Variants in ZCCHC2 observed in about 807,000 individuals in gnomAD.
ZCCHC2 encodes zinc finger CCHC-type containing 2, also known as zinc finger CCHC domain-containing protein 2.
In ZCCHC2, 39 loss-of-function variants were observed where a neutral mutation model predicts 103.6. That is an observed-to-expected ratio of 0.38 (90% confidence interval 0.29 to 0.49). ZCCHC2 has a LOEUF of 0.49. ZCCHC2 is among the 20% of genes least tolerant of loss of function. ZCCHC2 has a pLI of 0.96. For missense variants in ZCCHC2, 1,483 were observed against 1,491.0 expected (o/e 0.99, Z 0.09); for synonymous variants, 687 against 608.9 (o/e 1.13, Z -1.89).
Position 62,539,718 on chromosome 18 carries a change from A to G in ZCCHC2, c.977A>G (p.Glu326Gly), listed in dbSNP as rs201863625. The change falls in exon 2 of 14, where the codon GAG becomes GGG. Residue 326 changes from glutamate (E) to glycine (G), a missense_variant. Coordinates refer to ENST00000269499, the MANE Select transcript of ZCCHC2 (RefSeq NM_017742.6). Reference protein sequence around the residue: ...SAHGDYMQNNESSLIEQAPIP... With the variant: ...SAHGDYMQNNGSSLIEQAPIP... The stretch of plus-strand genomic sequence containing the variant: ...CATGGTGATTACATGCAAAATAACG[A>G]GAGCAGCTTAATAGAGCAAGCTCCA... 3.1e-4 allele frequency: 497 copies of G among 1,604,046 alleles called. 1 individual carries two copies. The highest frequency in any genetic ancestry group is 1.8e-3 in the Middle Eastern group (11 of 6,048).
intron 7 of ZCCHC2, among the ~76,000 whole-genome samples, chr18:62,559,436 C>T (rs1916026891): frequency 6.6e-6 from 1 of 152,184 alleles, no homozygotes; most frequent in African/African-American, 2.4e-5. Flanking sequence ...CAAATGGAAA[C>T]AGGTGTCATC....
chr18:62,536,279 G>A (rs1477964572), intron 1 of ZCCHC2, among the ~76,000 whole-genome samples: 1 of 152,216 alleles, frequency 6.6e-6, no homozygotes, highest in African/African-American at 2.4e-5. Context: ...CCTCAGGCGA[G>A]TTAAGAAAGG....
intron 14 of ZCCHC2, among the ~76,000 whole-genome samples, chr18:62,583,667 AC>A (rs71893758): frequency 6.8e-6 from 1 of 147,312 alleles, no homozygotes; most frequent in African/African-American, 2.5e-5. Context: ...AAAAATACTG[AC>A]CCCCCCCTCC....
intron 5 of ZCCHC2, among the ~76,000 whole-genome samples, chr18:62,554,816 C>A (rs1470679749): frequency 6.6e-6 from 1 of 152,176 alleles, no homozygotes; most frequent in African/African-American, 2.4e-5. Context: ...GATCTCAGTT[C>A]TTTCATCTCT....
At chr18:62,560,976 C>T (rs890400751) in intron 8 of ZCCHC2, among the ~76,000 whole-genome samples, 5 of 152,168 alleles carry the variant, frequency 3.3e-5, no homozygotes, top group African/African-American at 1.2e-4. Context: ...TGGTCCCAAA[C>T]AATTTGAGGA....
chr18:62,573,937 G>A, intron 12 of ZCCHC2, 120 bp from the exon 13 acceptor site: 1 of 1,050,920 alleles, frequency 9.5e-7, no homozygotes, highest in Non-Finnish European at 1.4e-6. Flanking sequence ...GGACAGTCAG[G>A]AAACATAGAG....
At chr18:62,547,341 AAG>A (rs1555786512) in intron 4 of ZCCHC2, among the ~76,000 whole-genome samples, 1 of 151,436 alleles carries the variant, frequency 6.6e-6, no homozygotes, top group Non-Finnish European at 1.5e-5. Flanking sequence ...AAAAAAAAAA[AAG>A]TTCAGGAGCA....
intron 9 of ZCCHC2, 49 bp downstream of exon 9, chr18:62,563,193 C>G: frequency 6.4e-7 from 1 of 1,556,596 alleles, no homozygotes; most frequent in Non-Finnish European, 8.7e-7. Flanking sequence ...CATTGCTCCT[C>G]TATAAGAAAA....
intron 13 of ZCCHC2, 101 bp downstream of exon 13, chr18:62,575,651 T>C: frequency 7.2e-7 from 1 of 1,391,320 alleles, no homozygotes; most frequent in Admixed American, 2.5e-5. Context: ...AAGATCTGTT[T>C]GTGTTTTCGT....
chr18:62,565,184 G>A (rs1194816347), intron 11 of ZCCHC2, 88 bp downstream of exon 11: 21 of 968,054 alleles, frequency 2.2e-5, no homozygotes, highest in Non-Finnish European at 3.0e-5. Context: ...GAGCTGTTGT[G>A]TCAAATCCTA....
rs1915120952 is a variant in ZCCHC2 at position 62,540,434 on chromosome 18, CCT to C, written c.1051+643_1051+644del. On this transcript the variant is annotated intron_variant, in intron 2 of 13. Coordinates refer to ENST00000269499, the MANE Select transcript of ZCCHC2 (RefSeq NM_017742.6). ...ATTTTGAATTTATGTCATTATGTCT[CCT>C]TTTTTTTTTTTTTTACCAGTAATAA... is the stretch of plus-strand genomic sequence containing the variant. 1.5e-5 allele frequency among the ~76,000 whole-genome samples: 2 copies of C among 132,836 alleles called. 1 individual carries two copies. Among genetic ancestry groups the C allele is most frequent in the South Asian group, 4.3e-4 (2 of 4,624 alleles). 87.1% of individuals were successfully genotyped at this position (132,836 alleles called of 152,430 possible). A position where few individuals can be genotyped will look rare whatever the true frequency, so the allele number is the denominator to read the frequency against.
chr18:62,555,526 A>G (rs1265476988), intron 5 of ZCCHC2, among the ~76,000 whole-genome samples: 2 of 152,206 alleles, frequency 1.3e-5, no homozygotes, highest in Non-Finnish European at 2.9e-5. Context: ...CTACAGCCAA[A>G]GGCCAGGCTC....
Position 62,576,640 on chromosome 18 carries a change from G to A in ZCCHC2, c.*61G>A, listed in dbSNP as rs1451373994. The A allele has an allele frequency of 6.7e-7, 1 of 1,500,002 alleles. No homozygotes were observed. Among genetic ancestry groups the A allele is most frequent in the African/African-American group, 1.4e-5 (1 of 72,470 alleles). The allele number at this position is 1,500,002 out of a possible 1,614,324, so 92.9% of individuals were successfully genotyped here. On this transcript the variant is annotated 3_prime_UTR_variant, in exon 14 of 14. Coordinates refer to ENST00000269499, the MANE Select transcript of ZCCHC2 (RefSeq NM_017742.6). ...GTGGGGAGTCATGGGGTGTGGAGGGGAGGAAAGGAAAGGTATTTTGTTTCT... is the reference window on the plus strand; with the variant it reads ...GTGGGGAGTCATGGGGTGTGGAGGGAAGGAAAGGAAAGGTATTTTGTTTCT...
intron 1 of ZCCHC2, among the ~76,000 whole-genome samples, chr18:62,528,580 C>T (rs1914539794): frequency 1.2e-5 from 1 of 85,076 alleles, no homozygotes; most frequent in African/African-American, 5.6e-5. Context: ...GCCTGGGCGA[C>T]AGAGTGAGAC....
At chr18:62,539,571 T>A (rs1208920490) in intron 1 of ZCCHC2, 110 bp from the exon 2 acceptor site, 9 of 827,412 alleles carry the variant, frequency 1.1e-5, no homozygotes, top group Non-Finnish European at 1.7e-5. Flanking sequence ...CTATTGGACC[T>A]CTAAAAATTG....
At position 62,574,712 on chromosome 18, in the gene ZCCHC2, A is replaced by C; in HGVS notation, c.2631A>C (p.Gly877=). ...PITKSASQVV[G]LNQMVPQIEG... is the part of the protein sequence containing the mutation. The stretch of plus-strand genomic sequence containing the variant: ...CAAAATCTGCATCCCAAGTGGTAGG[A>C]CTCAATCAAATGGTGCCTCAAATTG... The change falls in exon 13 of 14, where the codon GGA becomes GGC. Residue 877 remains glycine (G), a synonymous_variant. Transcript: ENST00000269499. The C allele has an allele frequency of 1.9e-6, 3 of 1,613,970 alleles. No individual in the cohort carries two copies. Among genetic ancestry groups the C allele is most frequent in the Non-Finnish European group, 2.5e-6 (3 of 1,179,874 alleles).
chr18:62,557,444 G>A (rs922278459), intron 6 of ZCCHC2, among the ~76,000 whole-genome samples: 2 of 152,108 alleles, frequency 1.3e-5, no homozygotes, highest in African/African-American at 2.4e-5. Context: ...ATTGTTACAC[G>A]GGCTAACCTT....
rs745941292 is a variant in ZCCHC2, at chr18:62,524,101, A to T, written c.677A>T (p.Asp226Val). Residue 226 changes from aspartate (D) to valine (V), a missense_variant, in exon 1 of 14, where the codon GAC (aspartate) becomes GTC (valine). Around this residue, in one of 3 missense-constraint regions of ZCCHC2, gnomAD observed 568 missense variants for 525.1 expected, o/e 1.08. Transcript: ENST00000269499. ...GAGGACGAGCGCGGCGAGGACGGCG[A>T]CGGCGAGCAGGACGCCGAGAAGGAC... ...GAEDERGEDGDGEQDAEKDGS... is the reference protein window; with the variant it reads ...GAEDERGEDGVGEQDAEKDGS... The T allele has an allele frequency of 6.6e-7, 1 of 1,520,278 alleles. No homozygotes were observed. The highest frequency in any genetic ancestry group is 1.2e-5 in the South Asian group (1 of 82,190). The allele number at this position is 1,520,278 out of a possible 1,614,324, so 94.2% of individuals were successfully genotyped here.
intron 1 of ZCCHC2, among the ~76,000 whole-genome samples, chr18:62,527,933 T>C (rs576548536): frequency 7.9e-5 from 12 of 152,358 alleles, no homozygotes; most frequent in African/African-American, 2.6e-4. Context: ...AATGTTTGCA[T>C]ACTTAAAGAC....
Sources: gnomAD v4.1 joint callset for allele counts (sites outside exome capture counted in the v4.1 genomes callset) on GRCh38, gnomAD v4.1.1 for gene constraint, gnomAD v4.1.1 regional missense constraint, MANE v1.5 for transcripts, NCBI Gene and HGNC (gene_info 2026-07-23, HGNC 2026-07-21) for gene names.